Variants in ZCWPW2 observed in about 807,000 individuals in gnomAD.
ZCWPW2 encodes zinc finger CW-type and PWWP domain containing 2.
Under a neutral mutation model 46.6 loss-of-function variants are expected in ZCWPW2, and 45 were observed. That is an observed-to-expected ratio of 0.96 (90% CI 0.76 to 1.24). The LOEUF (loss-of-function observed/expected upper bound fraction) is 1.24. Among genes scored for constraint, ZCWPW2 ranks in the 50% most tolerant of loss-of-function variants. The probability of loss-of-function intolerance (pLI) is 0.00; values close to 1 mark genes in which losing one functional copy is unlikely to be tolerated. For synonymous variants in ZCWPW2, 152 were observed against 137.1 expected (o/e 1.11, Z -0.76); for missense variants, 429 against 403.9 (o/e 1.06, Z -0.53).
intron 4 of ZCWPW2, among the ~76,000 whole-genome samples, chr3:28,443,545 G>A (rs1211284409): frequency 1.3e-5 from 2 of 151,754 alleles, no homozygotes; most frequent in East Asian, 3.9e-4. Flanking sequence ...GCACTTCTAG[G>A]AACATTGTGA....
At chr3:28,390,423 A>G (rs1420085362) in intron 1 of ZCWPW2, 75 bp from the exon 2 acceptor site, 20 of 956,158 alleles carry the variant, frequency 2.1e-5, no homozygotes, top group Non-Finnish European at 2.5e-5. Flanking sequence ...AGAATTTCAA[A>G]TAATTCTTTA....
intron 8 of ZCWPW2, among the ~76,000 whole-genome samples, chr3:28,519,495 G>C (rs1196691498): frequency 6.6e-6 from 1 of 152,144 alleles, no homozygotes; most frequent in Non-Finnish European, 1.5e-5. Context: ...AACCAAGAAA[G>C]GGAAACCTAT....
chr3:28,462,180 T>C (rs970346739), intron 4 of ZCWPW2, among the ~76,000 whole-genome samples: 3 of 152,040 alleles, frequency 2.0e-5, no homozygotes, highest in Admixed American at 1.3e-4. Context: ...GACACAGGAA[T>C]AGCAAGACAG....
chr3:28,435,485 CTTTTT>C (rs1197458440), intron 4 of ZCWPW2, among the ~76,000 whole-genome samples: 1 of 134,152 alleles, frequency 7.5e-6, no homozygotes, highest in Admixed American at 7.5e-5. Flanking sequence ...TTCTTTCTGT[CTTTTT>C]TTTTTTTTTT....
intron 4 of ZCWPW2, among the ~76,000 whole-genome samples, chr3:28,450,663 A>G (rs755714767): frequency 7.9e-5 from 12 of 152,120 alleles, no homozygotes; most frequent in African/African-American, 2.4e-4. Flanking sequence ...CCATGATGTG[A>G]GTGGATGTTT....
chr3:28,369,252 G>C (rs898907183), intron 1 of ZCWPW2, among the ~76,000 whole-genome samples: 1 of 152,030 alleles, frequency 6.6e-6, no homozygotes, highest in Non-Finnish European at 1.5e-5. Context: ...TAGAGTTTCC[G>C]GTTTTTCTGC....
intron 1 of ZCWPW2, among the ~76,000 whole-genome samples, chr3:28,367,586 A>T (rs1285299123): frequency 6.6e-6 from 1 of 152,212 alleles, no homozygotes; most frequent in Non-Finnish European, 1.5e-5. Flanking sequence ...GTTTTGGAAC[A>T]GGTGTTGTGT....
At chr3:28,504,638 C>A (rs1468235208) in intron 6 of ZCWPW2, among the ~76,000 whole-genome samples, 1 of 152,110 alleles carries the variant, frequency 6.6e-6, no homozygotes, top group Non-Finnish European at 1.5e-5. Flanking sequence ...GAAAGTCTTC[C>A]CTAAAAACAG....
At chr3:28,509,874 C>G (rs1223606009) in intron 6 of ZCWPW2, among the ~76,000 whole-genome samples, 1 of 152,092 alleles carries the variant, frequency 6.6e-6, no homozygotes, top group African/African-American at 2.4e-5. Flanking sequence ...GGTGTCATAG[C>G]TAAGAAACCA....
intron 3 of ZCWPW2, among the ~76,000 whole-genome samples, chr3:28,431,250 G>C (rs976917166): frequency 5.3e-5 from 8 of 151,988 alleles, no homozygotes; most frequent in African/African-American, 1.9e-4. Context: ...CCTCTCAGTT[G>C]TACCAAATAT....
At chr3:28,394,635 G>A (rs1695624200) in intron 2 of ZCWPW2, among the ~76,000 whole-genome samples, 1 of 152,012 alleles carries the variant, frequency 6.6e-6, no homozygotes, top group African/African-American at 2.4e-5. Context: ...TTTCACAAAG[G>A]CAGCAAGAAT....
chr3:28,487,553 G>A (rs13064565), intron 5 of ZCWPW2, among the ~76,000 whole-genome samples: 60,155 of 151,938 alleles, frequency 0.4, 12,361 homozygotes, highest in East Asian at 0.64. Context: ...TATTAGTCAT[G>A]GTTGTTTTAA....
chr3:28,404,117 A>G (rs1208237850), intron 2 of ZCWPW2, among the ~76,000 whole-genome samples: 2 of 152,158 alleles, frequency 1.3e-5, no homozygotes, highest in African/African-American at 2.4e-5. Flanking sequence ...GTGGAAAAAA[A>G]TTCTTCACAA....
intron 2 of ZCWPW2, among the ~76,000 whole-genome samples, chr3:28,407,856 A>G (rs1559492490): frequency 6.6e-6 from 1 of 152,178 alleles, no homozygotes; most frequent in African/African-American, 2.4e-5. Context: ...CTACTTAGGT[A>G]TGATTATATA....
chr3:28,350,736 A>AG, intron 1 of ZCWPW2, among the ~76,000 whole-genome samples: 1 of 151,884 alleles, frequency 6.6e-6, no homozygotes, highest in Non-Finnish European at 1.5e-5. Context: ...TTCATATATA[A>AG]TCATGTATTA....
intron 6 of ZCWPW2, among the ~76,000 whole-genome samples, chr3:28,509,643 T>C (rs1700374395): frequency 6.6e-6 from 1 of 152,190 alleles, no homozygotes; most frequent in South Asian, 2.1e-4. Flanking sequence ...TGGAGAAATG[T>C]CCATTCAAAT....
chr3:28,411,197 C>T (rs1000099845), intron 2 of ZCWPW2, among the ~76,000 whole-genome samples: 3 of 151,638 alleles, frequency 2.0e-5, no homozygotes, highest in Non-Finnish European at 2.9e-5. Context: ...AGGGATTATC[C>T]AGAATACAAA....
intron 2 of ZCWPW2, among the ~76,000 whole-genome samples, chr3:28,402,344 T>C (rs1024018981): frequency 6.6e-6 from 1 of 152,114 alleles, no homozygotes; most frequent in Admixed American, 6.5e-5. Flanking sequence ...GAAAAATTCC[T>C]GGAAAGATAC....
Position 28,525,665 on chromosome 3 carries a change from T to G in ZCWPW2, c.*977T>G, listed in dbSNP as rs886528600. On this transcript the variant is annotated 3_prime_UTR_variant, in exon 10 of 10. Transcript: ENST00000383768. Reference sequence around the variant, plus strand: ...AAGGAGGCAGCACATGTCTAGATATTAAAAACAAATAAGACACCAAACAAC... The same window carrying G: ...AAGGAGGCAGCACATGTCTAGATATGAAAAACAAATAAGACACCAAACAAC... 6.6e-6 allele frequency among the ~76,000 whole-genome samples: 1 copy of G among 152,136 alleles called. No individual in the cohort carries two copies. Among genetic ancestry groups the G allele is most frequent in the Non-Finnish European group, 1.5e-5 (1 of 68,018 alleles).
Sources: gnomAD v4.1 joint callset for allele counts (sites outside exome capture counted in the v4.1 genomes callset) on GRCh38, gnomAD v4.1.1 for gene constraint, MANE v1.5 for transcripts, NCBI Gene and HGNC (gene_info 2026-07-23, HGNC 2026-07-21) for gene names.